The following PLXDC2 variants were observed in gnomAD, a reference collection of about 807,000 sequenced individuals.
PLXDC2 encodes the protein plexin domain containing 2.
PLXDC2 carries 40 observed loss-of-function variants against 68.9 expected under a neutral mutation model. The observed-to-expected ratio is 0.58, with a 90% CI of 0.45 to 0.76. PLXDC2 has a LOEUF of 0.76. Ranked by LOEUF, PLXDC2 falls within the 30% of genes least tolerant of loss-of-function variation. PLXDC2 has a pLI of 0.00. For synonymous variants in PLXDC2, 243 were observed against 234.2 expected (o/e 1.04, Z -0.34); for missense variants, 644 against 661.9 (o/e 0.97, Z 0.30).
intron 1 of PLXDC2, among the ~76,000 whole-genome samples, chr10:19,906,304 A>G (rs963144101): frequency 3.9e-5 from 6 of 152,168 alleles, no homozygotes; most frequent in African/African-American, 1.4e-4. Flanking sequence ...AGATCCCAGG[A>G]GAAGGAGACA....
rs965757080 is a variant in PLXDC2 at position 20,281,147 on chromosome 10, C to T, written c.*1328C>T. ...ATTTGATCCACTTTTTCGTTTATGTCAACCCCTTCCCTCTCTGGCTAAATA... is the reference window on the plus strand; with the variant it reads ...ATTTGATCCACTTTTTCGTTTATGTTAACCCCTTCCCTCTCTGGCTAAATA... On this transcript the variant is annotated 3_prime_UTR_variant, in exon 14 of 14. Coordinates refer to ENST00000377252, the MANE Select transcript of PLXDC2 (RefSeq NM_032812.9). The T allele has an allele frequency of 6.6e-6, 1 of 152,110 alleles. No homozygotes were observed. Among genetic ancestry groups the T allele is most frequent in the South Asian group, 2.1e-4 (1 of 4,830 alleles). 9.4% of individuals were successfully genotyped at this position (152,110 alleles called of 1,614,324 possible). A position where few individuals can be genotyped will look rare whatever the true frequency, so the allele number is the denominator to read the frequency against.
intron 1 of PLXDC2, among the ~76,000 whole-genome samples, chr10:19,943,825 C>G (rs1220228051): frequency 1.3e-5 from 2 of 152,122 alleles, no homozygotes; most frequent in African/African-American, 4.8e-5. Flanking sequence ...ATTTCAGTGA[C>G]TTGTCTACTT....
intron 4 of PLXDC2, among the ~76,000 whole-genome samples, chr10:20,103,931 C>T (rs1833456787): frequency 6.6e-6 from 1 of 152,192 alleles, no homozygotes; most frequent in African/African-American, 2.4e-5. Context: ...GCGTGAGCCA[C>T]CGTGCCCGGC....
At chr10:19,948,823 G>A (rs1229937004) in intron 1 of PLXDC2, among the ~76,000 whole-genome samples, 1 of 151,956 alleles carries the variant, frequency 6.6e-6, no homozygotes, top group East Asian at 1.9e-4. Flanking sequence ...ATAAAGCATT[G>A]CATTATTATT....
At chr10:20,098,357 A>ATG (rs35209594) in intron 4 of PLXDC2, among the ~76,000 whole-genome samples, 30,796 of 145,302 alleles carry the variant, frequency 0.21, 4,134 homozygotes, top group East Asian at 0.56. Flanking sequence ...GTGTGTGTGT[A>ATG]TGTGTGTGTG....
chr10:20,187,928 G>A (rs1651634402), intron 9 of PLXDC2, among the ~76,000 whole-genome samples: 1 of 151,622 alleles, frequency 6.6e-6, no homozygotes, highest in South Asian at 2.1e-4. Context: ...TTTGAAAAGT[G>A]TTCTCATTTA....
At chr10:20,239,287 T>G (rs1440384565) in intron 12 of PLXDC2, among the ~76,000 whole-genome samples, 1 of 152,198 alleles carries the variant, frequency 6.6e-6, no homozygotes, top group African/African-American at 2.4e-5. Flanking sequence ...TCACGTTTCT[T>G]TAATATTCCC....
chr10:20,191,138 T>C (rs922036490), intron 9 of PLXDC2, among the ~76,000 whole-genome samples: 2 of 152,004 alleles, frequency 1.3e-5, no homozygotes, highest in African/African-American at 4.8e-5. Flanking sequence ...AGTTAATATA[T>C]ATTATTAGGC....
intron 4 of PLXDC2, among the ~76,000 whole-genome samples, chr10:20,080,270 G>T (rs150822620): frequency 3.5e-4 from 53 of 152,144 alleles, no homozygotes; most frequent in African/African-American, 1.2e-3. Context: ...GTTCTGTAGA[G>T]GGAAAGAACT....
chr10:20,215,631 A>G (rs1212996805), intron 10 of PLXDC2, among the ~76,000 whole-genome samples: 7 of 152,074 alleles, frequency 4.6e-5, no homozygotes, highest in Non-Finnish European at 8.8e-5. Context: ...ACCTAAGCAA[A>G]TTCACAATAC....
chr10:20,108,821 A>G (rs958599369), intron 4 of PLXDC2, among the ~76,000 whole-genome samples: 2 of 152,212 alleles, frequency 1.3e-5, no homozygotes, highest in Non-Finnish European at 2.9e-5. Flanking sequence ...TTCAATGAAT[A>G]TCAAGTTTGT....
chr10:20,068,599 G>A (rs1490631100), intron 4 of PLXDC2, among the ~76,000 whole-genome samples: 1 of 147,506 alleles, frequency 6.8e-6, no homozygotes, highest in Admixed American at 6.8e-5. Flanking sequence ...AATGTATATA[G>A]TTGCTATATA....
chr10:19,864,515 C>A (rs1208823953), intron 1 of PLXDC2, among the ~76,000 whole-genome samples: 4 of 152,010 alleles, frequency 2.6e-5, no homozygotes, highest in South Asian at 2.1e-4. Context: ...AAAAATGGAA[C>A]AATTTAAATT....
At chr10:20,205,330 T>C (rs1834976735) in intron 9 of PLXDC2, among the ~76,000 whole-genome samples, 1 of 152,114 alleles carries the variant, frequency 6.6e-6, no homozygotes, top group African/African-American at 2.4e-5. Context: ...TGGAATTAGA[T>C]AATGGTGAGA....
At chr10:19,923,922 T>C (rs1833500416) in intron 1 of PLXDC2, among the ~76,000 whole-genome samples, 1 of 151,980 alleles carries the variant, frequency 6.6e-6, no homozygotes. Flanking sequence ...AAAATTAGCT[T>C]CATTTGGAGT....
intron 1 of PLXDC2, among the ~76,000 whole-genome samples, chr10:19,922,457 G>A (rs1833475397): frequency 6.6e-6 from 1 of 152,196 alleles, no homozygotes; most frequent in South Asian, 2.1e-4. Context: ...TCAGGAGGAA[G>A]GAGATGGTGT....
chr10:20,258,388 T>A lies in PLXDC2; in HGVS notation c.1473+12883T>A, dbSNP rs188791624. Among the ~76,000 whole-genome samples, 28 of 152,260 alleles carry A rather than the reference T, an allele frequency of 1.8e-4. No homozygotes were observed. In the East Asian group the frequency reaches 5.4e-3, roughly 29 times the overall value. ...TGGGTATATAGCATGTAAGCTCCAGTTACACAAAATCACTCTTGCTACTTA... is the reference window on the plus strand; with the variant it reads ...TGGGTATATAGCATGTAAGCTCCAGATACACAAAATCACTCTTGCTACTTA... On this transcript the variant is annotated intron_variant, in intron 13 of 13. Transcript: ENST00000377252.
intron 1 of PLXDC2, among the ~76,000 whole-genome samples, chr10:19,938,708 T>A (rs1361928160): frequency 1.3e-5 from 2 of 152,134 alleles, no homozygotes; most frequent in East Asian, 3.8e-4. Context: ...TGAGATCAAG[T>A]TGTGGATAGT....
intron 9 of PLXDC2, among the ~76,000 whole-genome samples, chr10:20,188,941 A>G (rs1834721974): frequency 6.6e-6 from 1 of 151,760 alleles, no homozygotes; most frequent in Non-Finnish European, 1.5e-5. Flanking sequence ...GGTTGTTTTT[A>G]GCTTACAATG....
Sources: allele counts gnomAD v4.1 joint callset (sites outside exome capture counted in the v4.1 genomes callset), GRCh38; gene constraint gnomAD v4.1.1; transcripts MANE v1.5; gene names NCBI Gene and HGNC (gene_info 2026-07-23, HGNC 2026-07-21).